The following HPSE2 variants were observed in gnomAD, a reference collection of about 807,000 sequenced individuals.
HPSE2 encodes heparanase 2 (inactive).
HPSE2 carries 38 observed loss-of-function variants against 60.5 expected under a neutral mutation model. That is an observed-to-expected ratio of 0.63 (90% confidence interval 0.48 to 0.82). The LOEUF (loss-of-function observed/expected upper bound fraction) is 0.82. Ranked by LOEUF, HPSE2 falls within the 40% of genes least tolerant of loss-of-function variation. The probability of loss-of-function intolerance (pLI) is 0.00; values close to 1 mark genes in which losing one functional copy is unlikely to be tolerated. For synonymous variants in HPSE2, 295 were observed against 293.2 expected (o/e 1.01, Z -0.06); for missense variants, 713 against 740.4 (o/e 0.96, Z 0.43).
intron 3 of HPSE2, among the ~76,000 whole-genome samples, chr10:98,803,631 T>A (rs1449114058): frequency 1.3e-5 from 2 of 151,724 alleles, no homozygotes; most frequent in Admixed American, 1.3e-4. Context: ...CAGATAGTTG[T>A]AGATATGCGG....
chr10:98,861,227 T>C (rs1052412385), intron 3 of HPSE2, among the ~76,000 whole-genome samples: 3 of 152,186 alleles, frequency 2.0e-5, no homozygotes, highest in Admixed American at 1.3e-4. Flanking sequence ...AACAGGATAA[T>C]TGAAGAAATT....
intron 3 of HPSE2, chr10:99,013,535 G>C: frequency 3.5e-6 from 1 of 282,274 alleles, no homozygotes; most frequent in Non-Finnish European, 6.9e-6. Context: ...GTACTGGCAC[G>C]ATCACAGCTC....
In HPSE2 at chr10:99,160,299, A is replaced by G. The variant is rs551264460; in HGVS notation, c.449-15900T>C. ...ATAGACATTTCACCAAAGACATACAAATGGCTAATAGCACATAAAATTATA... is the reference window on the plus strand; with the variant it reads ...ATAGACATTTCACCAAAGACATACAGATGGCTAATAGCACATAAAATTATA... On this transcript the variant is annotated intron_variant, in intron 2 of 11. Transcript: ENST00000370552. Among the ~76,000 whole-genome samples, 15 of 152,240 alleles carry G rather than the reference A, an allele frequency of 9.9e-5. No individual in the cohort carries two copies. The East Asian group carries it at 2.9e-3, about 29-fold the overall frequency.
At chr10:99,019,680 A>G (rs1957218666) in intron 3 of HPSE2, among the ~76,000 whole-genome samples, 1 of 151,520 alleles carries the variant, frequency 6.6e-6, no homozygotes, top group South Asian at 2.1e-4. Flanking sequence ...CGGCAGGTGT[A>G]TTCCTTTTCA....
chr10:99,276,350 T>G, the HPSE2 span, among the ~76,000 whole-genome samples: 1 of 152,176 alleles, frequency 6.6e-6, no homozygotes, highest in Admixed American at 6.5e-5. Context: ...CAAAGAAAAC[T>G]CTATAGAAAA....
At chr10:99,173,110 G>GGCTAGACCA in intron 2 of HPSE2, among the ~76,000 whole-genome samples, 1 of 152,262 alleles carries the variant, frequency 6.6e-6, no homozygotes, top group Admixed American at 6.5e-5. Flanking sequence ...TAGAAAGCCA[G>GGCTAGACCA]GCTAGAAGCA....
intron 11 of HPSE2, among the ~76,000 whole-genome samples, chr10:98,463,666 G>A (rs1170862528): frequency 6.6e-6 from 1 of 152,072 alleles, no homozygotes; most frequent in Non-Finnish European, 1.5e-5. Context: ...TTAGATGGGT[G>A]TGGTGGCACA....
At chr10:98,494,639 G>A (rs1941770710) in intron 9 of HPSE2, among the ~76,000 whole-genome samples, 1 of 152,182 alleles carries the variant, frequency 6.6e-6, no homozygotes, top group Admixed American at 6.5e-5. Flanking sequence ...ATTAGACAGG[G>A]AGGAAAGTCT....
At chr10:98,481,282 C>T (rs899590932) in intron 11 of HPSE2, among the ~76,000 whole-genome samples, 2 of 152,180 alleles carry the variant, frequency 1.3e-5, no homozygotes, top group Non-Finnish European at 2.9e-5. Flanking sequence ...TCAAGCTGCA[C>T]AGGACCTTAC....
At chr10:98,578,968 CT>C (rs1223390788) in intron 9 of HPSE2, among the ~76,000 whole-genome samples, 1 of 152,188 alleles carries the variant, frequency 6.6e-6, no homozygotes, top group Non-Finnish European at 1.5e-5. Context: ...TGAAAAAAGA[CT>C]TTCCAAAGCC....
chr10:99,176,564 G>C (rs1328890432), intron 2 of HPSE2, among the ~76,000 whole-genome samples: 2 of 151,954 alleles, frequency 1.3e-5, no homozygotes, highest in Admixed American at 6.6e-5. Context: ...GTGAAGGCAA[G>C]ATTACAGAAA....
chr10:99,201,903 CG>C (rs1554917662), intron 2 of HPSE2, among the ~76,000 whole-genome samples: 1 of 152,144 alleles, frequency 6.6e-6, no homozygotes, highest in Non-Finnish European at 1.5e-5. Context: ...ATGAACACGA[CG>C]CCATACTCCA....
At chr10:99,054,057 T>C (rs1025551732) in intron 3 of HPSE2, among the ~76,000 whole-genome samples, 8 of 151,876 alleles carry the variant, frequency 5.3e-5, no homozygotes, top group African/African-American at 1.7e-4. Flanking sequence ...TCTTAGCAGA[T>C]CAAAGTGATC....
chr10:99,232,362 T>C lies in HPSE2; in HGVS notation c.434A>G (p.Lys145Arg). The change falls in exon 2 of 12, where the codon AAA becomes AGA. Residue 145 changes from lysine to arginine, a missense_variant. Transcript: ENST00000370552. ...RGGPGPDYYL[K>R]NYEDDIVRSD... ...AAGTTTCTCACCATCCTCATAGTTT[T>C]TGAGATAGTAATCCGGGCCCGGGCC... is the stretch of plus-strand genomic sequence containing the variant. 1.9e-6 allele frequency: 3 copies of C among 1,551,634 alleles called. No individual in the cohort carries two copies. The South Asian group carries it at 3.6e-5, about 18-fold the overall frequency.
At chr10:98,548,345 G>A (rs1471246843) in intron 9 of HPSE2, among the ~76,000 whole-genome samples, 1 of 152,108 alleles carries the variant, frequency 6.6e-6, no homozygotes, top group African/African-American at 2.4e-5. Flanking sequence ...GACTGGGTGC[G>A]GTGGCTCACG....
At chr10:98,659,745 C>A (rs773258866) in intron 6 of HPSE2, among the ~76,000 whole-genome samples, 30 of 146,640 alleles carry the variant, frequency 2.0e-4, no homozygotes, top group Non-Finnish European at 3.8e-4. Flanking sequence ...TCACTCTCAC[C>A]TCAGAAGAGT....
At chr10:98,834,451 G>C (rs1240141933) in intron 3 of HPSE2, among the ~76,000 whole-genome samples, 1 of 152,086 alleles carries the variant, frequency 6.6e-6, no homozygotes, top group African/African-American at 2.4e-5. Context: ...AGGGGAAGCA[G>C]GTTTGCATAA....
At chr10:98,761,662 C>A (rs1325595788) in intron 3 of HPSE2, among the ~76,000 whole-genome samples, 2 of 152,144 alleles carry the variant, frequency 1.3e-5, no homozygotes, top group Non-Finnish European at 2.9e-5. Context: ...ATATTTCATA[C>A]TGACTACAAC....
intron 2 of HPSE2, among the ~76,000 whole-genome samples, chr10:99,198,903 A>T (rs1848487377): frequency 6.6e-6 from 1 of 152,122 alleles, no homozygotes; most frequent in African/African-American, 2.4e-5. Context: ...TATTAGTTTG[A>T]CTATCTCAAA....
Sources: gnomAD v4.1 joint callset for allele counts (sites outside exome capture counted in the v4.1 genomes callset) on GRCh38, gnomAD v4.1.1 for gene constraint, MANE v1.5 for transcripts, NCBI Gene and HGNC (gene_info 2026-07-23, HGNC 2026-07-21) for gene names.